The following XPO6 variants were observed in gnomAD, a reference collection of about 807,000 sequenced individuals.
The protein encoded by XPO6 is exportin-6.
In XPO6, 3 loss-of-function variants were observed where a neutral mutation model predicts 130.0. That is an observed-to-expected ratio of 0.02 (90% CI 0.01 to 0.06). The LOEUF (loss-of-function observed/expected upper bound fraction) is 0.06, where lower values mean the gene tolerates loss of function less well. XPO6 is among the 10% of genes least tolerant of loss of function. XPO6 has a pLI of 1.00. For missense variants in XPO6, 970 were observed against 1,393.0 expected (o/e 0.70, Z 4.83); for synonymous variants, 524 against 548.9 (o/e 0.95, Z 0.63).
At chr16:28,130,555 T>A (rs963958080) in intron 12 of XPO6, among the ~76,000 whole-genome samples, 4 of 152,174 alleles carry the variant, frequency 2.6e-5, no homozygotes, top group Non-Finnish European at 5.9e-5. Context: ...TGGGGAATGC[T>A]TTGTCATGGA....
At chr16:28,111,623 G>C in intron 17 of XPO6, 194 bp downstream of exon 17, 2 of 539,670 alleles carry the variant, frequency 3.7e-6, no homozygotes, top group Non-Finnish European at 6.5e-6. Flanking sequence ...TCTGGAAATA[G>C]GTCTGGCTGC....
chr16:28,170,029 C>T (rs574336957), intron 4 of XPO6, 120 bp from the exon 5 acceptor site: 124 of 1,331,920 alleles, frequency 9.3e-5, no homozygotes, highest in Non-Finnish European at 7.5e-5. Context: ...CATAAATCAA[C>T]ACTTCAGAAA....
intron 21 of XPO6, among the ~76,000 whole-genome samples, chr16:28,102,795 C>T (rs892074647): frequency 6.6e-6 from 1 of 151,970 alleles, no homozygotes; most frequent in African/African-American, 2.4e-5. Flanking sequence ...AAACACCCCG[C>T]ACACCAACAC....
rs1316309282 is a variant in XPO6 at position 28,098,262 on chromosome 16, C to A, written c.*276G>T. 1.7e-5 allele frequency: 6 copies of A among 356,516 alleles called. No individual in the cohort carries two copies. The Admixed American group carries it at 2.7e-4, about 16-fold the overall frequency. The allele number at this position is 356,516 out of a possible 1,614,324, so 22.1% of individuals were successfully genotyped here. On this transcript the variant is annotated 3_prime_UTR_variant, in exon 24 of 24. Transcript: ENST00000304658. ...ACGTGCGCCTGGTCTGCATGGGCCA[C>A]CCCGCGGGATTTCCTGGTGCCTCCT...
At chr16:28,114,707 C>G (rs1044132288) in intron 15 of XPO6, among the ~76,000 whole-genome samples, 1 of 152,136 alleles carries the variant, frequency 6.6e-6, no homozygotes, top group African/African-American at 2.4e-5. Context: ...TAAAATAAGA[C>G]AACAATGAAG....
chr16:28,211,953 A>C lies in XPO6; in HGVS notation c.-585T>G. ...CGGCCGCCCCCGACCAACAGCCCCA[A>C]CGCGCCGGAAGTGGCGAGCGCCGGG... On this transcript the variant is annotated 5_prime_UTR_variant, in exon 1 of 24. Transcript: ENST00000304658. 2 of 151,934 alleles carry C rather than the reference A, an allele frequency of 1.3e-5. No homozygotes were observed. Among genetic ancestry groups the C allele is most frequent in the Non-Finnish European group, 1.5e-5 (1 of 68,010 alleles). The allele number at this position is 151,934 out of a possible 1,614,324, so 9.4% of individuals were successfully genotyped here. A position where few individuals can be genotyped will look rare whatever the true frequency, so the allele number is the denominator to read the frequency against.
chr16:28,145,010 T>G (rs555621902), intron 9 of XPO6, among the ~76,000 whole-genome samples: 7 of 152,280 alleles, frequency 4.6e-5, no homozygotes, highest in African/African-American at 1.7e-4. Flanking sequence ...TTATAAATAC[T>G]GTGCAAAGAA....
chr16:28,108,376 C>G (rs1445914482), intron 17 of XPO6, among the ~76,000 whole-genome samples: 1 of 152,204 alleles, frequency 6.6e-6, no homozygotes, highest in Non-Finnish European at 1.5e-5. Flanking sequence ...TCAGAGAGCC[C>G]TGGCTATGAA....
At position 28,169,916 on chromosome 16, in the gene XPO6, G is replaced by C; in HGVS notation, c.406-7C>G. On this transcript the variant is annotated splice_polypyrimidine_tract_variant and splice_region_variant and intron_variant, in intron 4 of 23. Transcript: ENST00000304658. Reference sequence around the variant, plus strand: ...TCACAGGGGACTGGATCAACTGCCAGGAAAAAGCATGTTCTGAGCAGAGTG... The same window carrying C: ...TCACAGGGGACTGGATCAACTGCCACGAAAAAGCATGTTCTGAGCAGAGTG... The C allele has an allele frequency of 6.2e-7, 1 of 1,613,344 alleles. No individual in the cohort carries two copies. Among genetic ancestry groups the C allele is most frequent in the Non-Finnish European group, 8.5e-7 (1 of 1,179,732 alleles).
chr16:28,182,302 T>C (rs78118503), intron 1 of XPO6, among the ~76,000 whole-genome samples: 31 of 152,236 alleles, frequency 2.0e-4, no homozygotes, highest in Non-Finnish European at 3.4e-4. Context: ...GAGGAACAAA[T>C]TTTCATCTCT....
chr16:28,159,001 G>A (rs1045048935), intron 6 of XPO6, among the ~76,000 whole-genome samples: 10 of 152,218 alleles, frequency 6.6e-5, no homozygotes, highest in Admixed American at 5.2e-4. Context: ...AGGCTGAGGC[G>A]GGCAGATCAC....
chr16:28,149,058 TAA>T (rs71389526), intron 8 of XPO6, among the ~76,000 whole-genome samples: 3 of 107,114 alleles, frequency 2.8e-5, no homozygotes, highest in Admixed American at 1.0e-4. Context: ...AAAAAGAAAA[TAA>T]AAAAAAAAAA....
At chr16:28,113,689 C>T (rs754442286) in intron 15 of XPO6, among the ~76,000 whole-genome samples, 1 of 152,158 alleles carries the variant, frequency 6.6e-6, no homozygotes, top group Non-Finnish European at 1.5e-5. Context: ...ACCTTTAACC[C>T]TTACTCTAAG....
chr16:28,151,375 A>G (rs2043085989), intron 8 of XPO6, among the ~76,000 whole-genome samples: 2 of 152,200 alleles, frequency 1.3e-5, no homozygotes, highest in African/African-American at 4.8e-5. Flanking sequence ...CAATGACTTA[A>G]CAACAGCACA....
At chr16:28,162,851 C>T (rs2043299289) in intron 6 of XPO6, among the ~76,000 whole-genome samples, 1 of 152,158 alleles carries the variant, frequency 6.6e-6, no homozygotes, top group Non-Finnish European at 1.5e-5. Flanking sequence ...GCCACCATGC[C>T]CAGCCCTGTA....
chr16:28,117,229 T>C (rs2087088710), intron 15 of XPO6, 89 bp downstream of exon 15: 1 of 1,525,452 alleles, frequency 6.6e-7, no homozygotes, highest in Non-Finnish European at 9.0e-7. Context: ...TAACTCTGTG[T>C]CATATTTAGA....
At chr16:28,159,037 T>C (rs2043228849) in intron 6 of XPO6, among the ~76,000 whole-genome samples, 1 of 151,954 alleles carries the variant, frequency 6.6e-6, no homozygotes, top group Admixed American at 6.6e-5. Context: ...CAAAACCAGC[T>C]TGGGCAACAT....
intron 7 of XPO6, 122 bp from the exon 8 acceptor site, chr16:28,152,907 A>AT: frequency 7.0e-7 from 1 of 1,420,476 alleles, no homozygotes; most frequent in Non-Finnish European, 9.1e-7. Flanking sequence ...TCTTTTAAAA[A>AT]TATAAAGGCC....
chr16:28,178,549 C>G (rs2043566745), intron 2 of XPO6, among the ~76,000 whole-genome samples: 1 of 151,872 alleles, frequency 6.6e-6, no homozygotes, highest in Non-Finnish European at 1.5e-5. Flanking sequence ...TCTCAGCCAC[C>G]TGAATAGCTA....
Sources: gnomAD v4.1 joint callset for allele counts (sites outside exome capture counted in the v4.1 genomes callset) on GRCh38, gnomAD v4.1.1 for gene constraint, MANE v1.5 for transcripts, NCBI Gene and HGNC (gene_info 2026-07-23, HGNC 2026-07-21) for gene names.